PCDH15: variants seen among roughly 807,000 people sequenced by gnomAD.
PCDH15 encodes the protein protocadherin-15.
PCDH15 carries 129 observed loss-of-function variants against 178.5 expected under a neutral mutation model. The observed-to-expected ratio is 0.72, with a 90% CI of 0.63 to 0.84. PCDH15 has a LOEUF of 0.84. PCDH15 is among the 40% of genes least tolerant of loss of function. The pLI, the probability that PCDH15 is intolerant of heterozygous loss-of-function variation, is 0.00. For synonymous variants in PCDH15, 800 were observed against 732.0 expected (o/e 1.09, Z -1.50); for missense variants, 2,230 against 2,099.9 (o/e 1.06, Z -1.21).
At chr10:54,562,454 C>T (rs145878516) in intron 2 of PCDH15, among the ~76,000 whole-genome samples, 1 of 152,018 alleles carries the variant, frequency 6.6e-6, no homozygotes, top group African/African-American at 2.4e-5. Context: ...ATAATGAAGC[C>T]AAAGATAAGT....
At chr10:55,546,522 T>A (rs1413666) in intron 2 of PCDH15, among the ~76,000 whole-genome samples, 1 of 151,936 alleles carries the variant, frequency 6.6e-6, no homozygotes, top group Admixed American at 6.6e-5. Context: ...AGGGGGCAAA[T>A]GTAAATTCAA....
intron 1 of PCDH15, among the ~76,000 whole-genome samples, chr10:54,700,106 A>G (rs2095288894): frequency 6.6e-6 from 1 of 152,034 alleles, no homozygotes; most frequent in South Asian, 2.1e-4. Context: ...GTACTAAACT[A>G]ATCTTTGGCC....
intron 2 of PCDH15, among the ~76,000 whole-genome samples, chr10:55,156,679 A>T (rs902837482): frequency 6.6e-6 from 1 of 152,080 alleles, no homozygotes; most frequent in South Asian, 2.1e-4. Flanking sequence ...AGTAGTTGCA[A>T]TCTCTAGAGA....
intron 13 of PCDH15, among the ~76,000 whole-genome samples, chr10:54,161,589 A>T (rs1272514706): frequency 1.9e-5 from 1 of 53,958 alleles, no homozygotes; most frequent in South Asian, 1.0e-3. Context: ...TTGACCCCCC[A>T]CCCCCACCCC....
At chr10:55,159,536 G>A (rs1050759438) in intron 2 of PCDH15, among the ~76,000 whole-genome samples, 9 of 148,642 alleles carry the variant, frequency 6.1e-5, no homozygotes, top group Admixed American at 6.8e-5. Context: ...TGTTAGACTA[G>A]GACGTGACAA....
chr10:54,457,601 G>C (rs1309428453), intron 3 of PCDH15, among the ~76,000 whole-genome samples: 2 of 151,798 alleles, frequency 1.3e-5, no homozygotes, highest in East Asian at 3.9e-4. Flanking sequence ...TTTTTCTTCT[G>C]GTAAATGAAA....
chr10:54,467,774 T>A (rs2077630157), intron 3 of PCDH15, among the ~76,000 whole-genome samples: 1 of 151,756 alleles, frequency 6.6e-6, no homozygotes, highest in Non-Finnish European at 1.5e-5. Context: ...TTTGGTCAAT[T>A]TGTCAGTGAA....
intron 1 of PCDH15, among the ~76,000 whole-genome samples, chr10:54,770,039 G>A (rs183662495): frequency 2.7e-4 from 41 of 152,146 alleles, no homozygotes; most frequent in Admixed American, 1.6e-3. Context: ...CATCCTGAAC[G>A]CATTTTAACG....
intron 20 of PCDH15, among the ~76,000 whole-genome samples, chr10:54,017,386 C>A (rs1356396741): frequency 6.6e-6 from 1 of 152,052 alleles, no homozygotes; most frequent in Non-Finnish European, 1.5e-5. Context: ...TGGAATCGAC[C>A]TAGATGCTCA....
rs138736582 is a variant in PCDH15 at position 55,409,659 on chromosome 10, T to C, written c.-156+217966A>G. ...GCACCATAAGTAGATGGTTAAAATA[T>C]AGTGCTGAAAAAATAGAAAAGAAAA... On this transcript the variant is annotated intron_variant, in intron 2 of 5. Coordinates refer to the PCDH15 transcript ENST00000613346. Among the ~76,000 whole-genome samples the C allele has an allele frequency of 1.1e-4, 17 of 152,220 alleles. No individual in the cohort carries two copies. In the East Asian group the frequency reaches 2.9e-3, roughly 26 times the overall value.
At chr10:55,575,615 A>G (rs1842481496) in intron 2 of PCDH15, 1 of 152,182 alleles carries the variant, frequency 6.6e-6, no homozygotes, top group Non-Finnish European at 1.5e-5. Flanking sequence ...TTATCAACAA[A>G]TGTTAACATT....
At chr10:54,730,766 A>G (rs2132645822) in intron 1 of PCDH15, among the ~76,000 whole-genome samples, 1 of 151,606 alleles carries the variant, frequency 6.6e-6, no homozygotes, top group Middle Eastern at 3.4e-3. Flanking sequence ...AATAAAAATA[A>G]AGACTTAAAT....
chr10:53,820,348 T>A, intron 32 of PCDH15, 118 bp from the exon 33 acceptor site: 1 of 391,440 alleles, frequency 2.6e-6, no homozygotes, highest in Non-Finnish European at 4.5e-6. Context: ...ATAATCAGAT[T>A]TACAGATTGT....
chr10:54,863,651 T>A (rs539310086), intron 3 of PCDH15, among the ~76,000 whole-genome samples: 8 of 152,334 alleles, frequency 5.3e-5, no homozygotes, highest in Admixed American at 4.6e-4. Context: ...CTGCTGTTTA[T>A]GTTTAGAAAT....
At chr10:55,583,403 C>G (rs1470046095) in intron 2 of PCDH15, among the ~76,000 whole-genome samples, 1 of 152,020 alleles carries the variant, frequency 6.6e-6, no homozygotes, top group East Asian at 1.9e-4. Context: ...AGTGTATGTT[C>G]TGTTGGATCT....
intron 6 of PCDH15, among the ~76,000 whole-genome samples, chr10:54,331,872 A>G (rs1939668483): frequency 6.6e-6 from 1 of 151,888 alleles, no homozygotes; most frequent in Non-Finnish European, 1.5e-5. Flanking sequence ...CAGTAATTCC[A>G]TTCTCTTTTA....
intron 2 of PCDH15, among the ~76,000 whole-genome samples, chr10:54,640,046 G>A (rs1004957351): frequency 6.6e-6 from 1 of 152,028 alleles, no homozygotes; most frequent in African/African-American, 2.4e-5. Flanking sequence ...GGTCATACCT[G>A]TGAATAGCAC....
chr10:55,541,766 A>G (rs1295105718), intron 2 of PCDH15, among the ~76,000 whole-genome samples: 2 of 151,884 alleles, frequency 1.3e-5, no homozygotes, highest in Non-Finnish European at 2.9e-5. Context: ...TATTCAGTTA[A>G]TTACATTTTC....
chr10:53,809,841 G>A (rs1172789974), intron 37 of PCDH15, among the ~76,000 whole-genome samples: 1 of 152,118 alleles, frequency 6.6e-6, no homozygotes, highest in East Asian at 1.9e-4. Flanking sequence ...AAGAATTATT[G>A]TCTCTTCCTT....
Sources: allele counts gnomAD v4.1 joint callset (sites outside exome capture counted in the v4.1 genomes callset), GRCh38; gene constraint gnomAD v4.1.1; transcripts MANE v1.5; gene names NCBI Gene and HGNC (gene_info 2026-07-23, HGNC 2026-07-21).